The following ALPL variants were observed in gnomAD, a reference collection of about 807,000 sequenced individuals.
ALPL encodes the protein alkaline phosphatase, biomineralization associated.
In ALPL, 42 loss-of-function variants were observed where a neutral mutation model predicts 51.3. The observed-to-expected ratio is 0.82, with a 90% confidence interval of 0.64 to 1.06. The LOEUF (loss-of-function observed/expected upper bound fraction) is 1.06, where lower values mean the gene tolerates loss of function less well. Ranked by LOEUF, ALPL falls within the 50% of genes least tolerant of loss-of-function variation. The pLI is 0.00. For synonymous variants in ALPL, 279 were observed against 296.4 expected, an observed-to-expected ratio of 0.94 and a Z score of 0.60; for missense variants, 589 against 709.4, an observed-to-expected ratio of 0.83 and a Z score of 1.93.
Position 21,546,900 on chromosome 1 carries a change from G to A in ALPL, c.-104-7078G>A, listed in dbSNP as rs141816121. 8.4e-3 allele frequency among the ~76,000 whole-genome samples: 1,276 copies of A among 152,362 alleles called. 8 individuals are homozygous for A. Among genetic ancestry groups the A allele is most frequent in the Middle Eastern group, 0.02 (6 of 294 alleles). On this transcript the variant is annotated intron_variant, in intron 1 of 11. Coordinates refer to ENST00000374840, the MANE Select transcript of ALPL (RefSeq NM_000478.6). ...TCTGGCTGGGGTAAGCACCAACTCA[G>A]ATTTCTAGGCCCATAGATGGGCTGG...
At chr1:21,513,827 A>G (rs1228980863) in intron 1 of ALPL, among the ~76,000 whole-genome samples, 3 of 152,216 alleles carry the variant, frequency 2.0e-5, no homozygotes, top group Non-Finnish European at 4.4e-5. Flanking sequence ...ATATGGGGCT[A>G]TGTCCCTGCC....
chr1:21,530,600 C>G (rs1228448730), intron 1 of ALPL, among the ~76,000 whole-genome samples: 1 of 152,072 alleles, frequency 6.6e-6, no homozygotes, highest in Non-Finnish European at 1.5e-5. Flanking sequence ...GATTGGGCCT[C>G]TCTTTCAGAC....
chr1:21,554,416 T>A, intron 2 of ALPL, among the ~76,000 whole-genome samples: 1 of 148,136 alleles, frequency 6.8e-6, no homozygotes, highest in East Asian at 2.0e-4. Flanking sequence ...TTTCCACATA[T>A]ATATTTTTCC....
intron 1 of ALPL, among the ~76,000 whole-genome samples, chr1:21,524,810 G>A (rs1210637622): frequency 1.3e-5 from 2 of 152,210 alleles, no homozygotes; most frequent in African/African-American, 2.4e-5. Context: ...GAGCTTAGAA[G>A]TGCGGAGTTT....
intron 1 of ALPL, among the ~76,000 whole-genome samples, chr1:21,516,028 G>A (rs1643793240): frequency 6.6e-6 from 1 of 152,042 alleles, no homozygotes; most frequent in Admixed American, 6.6e-5. Context: ...ACAGGCATTC[G>A]CCACCACGCC....
intron 1 of ALPL, among the ~76,000 whole-genome samples, chr1:21,529,954 T>A (rs572029093): frequency 6.6e-6 from 1 of 152,292 alleles, no homozygotes; most frequent in Non-Finnish European, 1.5e-5. Flanking sequence ...TTTGTATTTT[T>A]TGTAGAGATG....
Position 21,560,826 on chromosome 1 carries a change from C to T in ALPL, c.181+81C>T, listed in dbSNP as rs530319283. The T allele has an allele frequency of 2.5e-6, 4 of 1,573,958 alleles. No individual in the cohort carries two copies. The African/African-American group carries it at 5.4e-5, about 21-fold the overall frequency. ...GGGAGCCAGGCTGAGTTGAAGGGGG[C>T]TGTGTTGAAGGGGCTAGGGCTCTGG... On this transcript the variant is annotated intron_variant, in intron 3 of 11. Transcript: ENST00000374840.
chr1:21,521,678 C>T (rs1643884837), intron 1 of ALPL, among the ~76,000 whole-genome samples: 1 of 152,148 alleles, frequency 6.6e-6, no homozygotes, highest in Non-Finnish European at 1.5e-5. Flanking sequence ...TAGTGATTGG[C>T]AGCAGGACAA....
At chr1:21,524,668 G>A (rs1365179025) in intron 1 of ALPL, among the ~76,000 whole-genome samples, 1 of 152,148 alleles carries the variant, frequency 6.6e-6, no homozygotes, top group Non-Finnish European at 1.5e-5. Flanking sequence ...CATGTCAGAT[G>A]GGTACACTCT....
chr1:21,543,721 G>A (rs972235892), intron 1 of ALPL, among the ~76,000 whole-genome samples: 1 of 151,844 alleles, frequency 6.6e-6, no homozygotes, highest in East Asian at 2.0e-4. Flanking sequence ...TTTGTGGCTC[G>A]GGGCATTTGG....
chr1:21,575,832 C>T lies in ALPL; in HGVS notation c.1097C>T (p.Thr366Ile). 6.2e-7 allele frequency: 1 copy of T among 1,614,222 alleles called. No individual in the cohort carries two copies. The highest frequency in any genetic ancestry group is 1.1e-5 in the South Asian group (1 of 91,090). Reference sequence around the variant, plus strand: ...GCCATCGGGCAGGCAGGCAGCTTGACCTCCTCGGAAGACACTCTGACCGTG... The same window carrying T: ...GCCATCGGGCAGGCAGGCAGCTTGATCTCCTCGGAAGACACTCTGACCGTG... ...DRAIGQAGSLTSSEDTLTVVT... is the reference protein window; with the variant it reads ...DRAIGQAGSLISSEDTLTVVT... Residue 366 changes from threonine (T) to isoleucine (I), a missense_variant, in exon 10 of 12, where the codon ACC (threonine) becomes ATC (isoleucine). Physicochemically the swap from Thr to Ile is moderately conservative, Grantham distance 89. Transcript: ENST00000374840.
chr1:21,540,966 A>G (rs1158510043), intron 1 of ALPL, among the ~76,000 whole-genome samples: 1 of 152,204 alleles, frequency 6.6e-6, no homozygotes, highest in Non-Finnish European at 1.5e-5. Context: ...GACTGTAAGA[A>G]TAGGACCTCT....
intron 1 of ALPL, among the ~76,000 whole-genome samples, chr1:21,533,018 TG>T (rs761532810): frequency 2.6e-5 from 4 of 152,164 alleles, no homozygotes; most frequent in Non-Finnish European, 5.9e-5. Flanking sequence ...GATACCATGG[TG>T]GGGAGCACAA....
chr1:21,509,149 C>T (rs986585293), upstream of ALPL, among the ~76,000 whole-genome samples: 1 of 152,078 alleles, frequency 6.6e-6, no homozygotes, highest in African/African-American at 2.4e-5. The surrounding 1 kb of genome is among the most constrained non-coding windows in gnomAD (Gnocchi z 6.0). Flanking sequence ...AAGGGCTGGG[C>T]TGGGGCAGCC....
chr1:21,577,579 G>A lies in ALPL; in HGVS notation c.1506G>A (p.Ser502=), dbSNP rs751195005. The change falls in exon 12 of 12, where the codon TCG becomes TCA. Residue 502 remains serine (S), a synonymous_variant. Coordinates refer to ENST00000374840, the MANE Select transcript of ALPL (RefSeq NM_000478.6). ...TCGGCCACTGTGCTCCTGCCAGCTC[G>A]GCAGGCAGCCTTGCTGCAGGCCCCC... is the stretch of plus-strand genomic sequence containing the variant. ...ANLGHCAPAS[S]AGSLAAGPLL... The A allele has an allele frequency of 1.8e-5, 29 of 1,602,806 alleles. No individual in the cohort carries two copies. The East Asian group carries it at 4.0e-4, about 22-fold the overall frequency.
intron 1 of ALPL, among the ~76,000 whole-genome samples, chr1:21,552,554 A>G (rs1038819239): frequency 3.9e-5 from 6 of 152,108 alleles, no homozygotes; most frequent in African/African-American, 1.4e-4. Context: ...TTTTAAAAAG[A>G]AAAGAAACTT....
intron 1 of ALPL, among the ~76,000 whole-genome samples, chr1:21,522,222 C>T (rs1358939527): frequency 6.6e-6 from 1 of 152,162 alleles, no homozygotes; most frequent in Non-Finnish European, 1.5e-5. Context: ...CAGGCACACA[C>T]CACCACGCCC....
intron 1 of ALPL, among the ~76,000 whole-genome samples, chr1:21,521,141 G>A (rs115169630): frequency 2.0e-3 from 297 of 152,224 alleles, no homozygotes; most frequent in Non-Finnish European, 3.5e-3. Flanking sequence ...TGAGTCACTC[G>A]TGAATTCCCA....
intron 9 of ALPL, among the ~76,000 whole-genome samples, chr1:21,575,140 G>A (rs189486622): frequency 0.013 from 2,045 of 152,318 alleles, 30 homozygotes; most frequent in Non-Finnish European, 0.019. Context: ...ACTACCTCTG[G>A]GAGCTCCGTG....
Sources: allele counts gnomAD v4.1 joint callset (sites outside exome capture counted in the v4.1 genomes callset), GRCh38; gene constraint gnomAD v4.1.1; non-coding constraint Gnocchi (gnomAD v3.1); transcripts MANE v1.5; gene names NCBI Gene and HGNC (gene_info 2026-07-23, HGNC 2026-07-21).